FHIP1A: variants seen among roughly 807,000 people sequenced by gnomAD.
FHIP1A encodes the protein FHF complex subunit HOOK interacting protein 1A.
A neutral mutation model predicts 88.6 loss-of-function variants in FHIP1A; 61 were observed. The observed-to-expected ratio is 0.69, with a 90% CI of 0.56 to 0.85. The LOEUF is 0.85. Among genes scored for constraint, FHIP1A ranks in the 40% least tolerant of loss-of-function variants. The pLI is 0.00. For synonymous variants in FHIP1A, 478 were observed against 496.0 expected (o/e 0.96, Z 0.48); for missense variants, 1,154 against 1,273.5 (o/e 0.91, Z 1.43).
intron 7 of FHIP1A, among the ~76,000 whole-genome samples, chr4:151,599,909 T>G (rs1423117491): frequency 6.6e-6 from 1 of 152,242 alleles, no homozygotes; most frequent in Non-Finnish European, 1.5e-5. Flanking sequence ...GGACCCCTAA[T>G]GCATGGGGGC....
chr4:151,549,168 G>C (rs183403775), intron 3 of FHIP1A, among the ~76,000 whole-genome samples: 1 of 152,162 alleles, frequency 6.6e-6, no homozygotes, highest in East Asian at 1.9e-4. Flanking sequence ...TTAGGTCACA[G>C]CAGGTGACTG....
chr4:151,638,144 A>C (rs1157678219), intron 8 of FHIP1A, among the ~76,000 whole-genome samples: 1 of 152,210 alleles, frequency 6.6e-6, no homozygotes, highest in African/African-American at 2.4e-5. Flanking sequence ...CACAATGGGA[A>C]ATGGAACCAA....
intron 3 of FHIP1A, among the ~76,000 whole-genome samples, chr4:151,545,117 G>A (rs190777981): frequency 4.6e-5 from 7 of 152,112 alleles, no homozygotes; most frequent in Non-Finnish European, 8.8e-5. Context: ...CACTATTTTT[G>A]CATTTTCCAA....
chr4:151,553,237 A>G (rs1450207367), intron 3 of FHIP1A, among the ~76,000 whole-genome samples: 1 of 152,208 alleles, frequency 6.6e-6, no homozygotes, highest in East Asian at 1.9e-4. Context: ...TTATAATATC[A>G]CATGGTTTTA....
At chr4:151,471,058 A>C (rs965409460) in intron 2 of FHIP1A, among the ~76,000 whole-genome samples, 1 of 152,096 alleles carries the variant, frequency 6.6e-6, no homozygotes, top group African/African-American at 2.4e-5. Flanking sequence ...TCTGAGGGGA[A>C]TCTTAGTATC....
chr4:151,625,665 T>C (rs537356690), intron 7 of FHIP1A, among the ~76,000 whole-genome samples: 28 of 152,332 alleles, frequency 1.8e-4, no homozygotes, highest in African/African-American at 6.0e-4. Context: ...GCTTTGGTTT[T>C]ATAGAAGTAG....
chr4:151,575,697 A>G (rs1484796953), intron 4 of FHIP1A, among the ~76,000 whole-genome samples: 1 of 152,190 alleles, frequency 6.6e-6, no homozygotes, highest in Non-Finnish European at 1.5e-5. Context: ...TAGAGATTAT[A>G]CTTTCTGTGG....
rs551992194 is a variant in FHIP1A, at chr4:151,590,402, C to T, written c.978+1476C>T. 1.4e-3 allele frequency among the ~76,000 whole-genome samples: 206 copies of T among 152,222 alleles called. 2 individuals are homozygous for T. The highest frequency in any genetic ancestry group is 1.9e-3 in the Non-Finnish European group (129 of 68,010). On this transcript the variant is annotated intron_variant, in intron 7 of 13. Coordinates refer to ENST00000435205, the MANE Select transcript of FHIP1A (RefSeq NM_001109977.3). ...TTAGTGTTACAGACATTAGTGATAG[C>T]TCTTTATTCATAATTGAGGATGAAA...
At chr4:151,489,827 A>C (rs1171295015) in intron 3 of FHIP1A, among the ~76,000 whole-genome samples, 1 of 152,074 alleles carries the variant, frequency 6.6e-6, no homozygotes, top group Non-Finnish European at 1.5e-5. Context: ...ACCCAAGGAG[A>C]GTCTGAGTTC....
At chr4:151,415,838 T>G (rs1360902139) in intron 1 of FHIP1A, among the ~76,000 whole-genome samples, 1 of 152,196 alleles carries the variant, frequency 6.6e-6, no homozygotes, top group East Asian at 1.9e-4. Flanking sequence ...TTCAGGTTCT[T>G]TTTGGTTTTA....
chr4:151,596,046 T>C (rs915318955), intron 7 of FHIP1A, among the ~76,000 whole-genome samples: 2 of 152,232 alleles, frequency 1.3e-5, no homozygotes, highest in African/African-American at 4.8e-5. Flanking sequence ...ATTTGTTATG[T>C]GTGAATTTGA....
At chr4:151,615,673 T>G (rs1050190258) in intron 7 of FHIP1A, among the ~76,000 whole-genome samples, 4 of 152,302 alleles carry the variant, frequency 2.6e-5, no homozygotes, top group Non-Finnish European at 5.9e-5. Flanking sequence ...ATATTAATCC[T>G]TTAAAATGCA....
chr4:151,479,029 G>T (rs748479599), intron 2 of FHIP1A, among the ~76,000 whole-genome samples: 3 of 152,014 alleles, frequency 2.0e-5, no homozygotes, highest in Non-Finnish European at 4.4e-5. Context: ...AAAAAGAATT[G>T]TATGAAATTA....
At chr4:151,428,619 C>CT (rs1337599895) in intron 1 of FHIP1A, among the ~76,000 whole-genome samples, 1 of 152,082 alleles carries the variant, frequency 6.6e-6, no homozygotes, top group African/African-American at 2.4e-5. Context: ...CCTTTTGGGG[C>CT]TTTTTTGTTT....
intron 3 of FHIP1A, among the ~76,000 whole-genome samples, chr4:151,495,499 CA>C (rs1284878447): frequency 1.1e-4 from 14 of 126,320 alleles, no homozygotes; most frequent in Admixed American, 2.4e-4. Context: ...GAGACTGTTT[CA>C]AAAAAAAAAG....
intron 1 of FHIP1A, among the ~76,000 whole-genome samples, chr4:151,446,887 A>G (rs1728630440): frequency 6.6e-6 from 1 of 151,960 alleles, no homozygotes; most frequent in Non-Finnish European, 1.5e-5. Flanking sequence ...ACTTGAGGAG[A>G]TGGGTTGTGA....
At chr4:151,491,460 G>A (rs2126647696) in intron 3 of FHIP1A, among the ~76,000 whole-genome samples, 1 of 152,134 alleles carries the variant, frequency 6.6e-6, no homozygotes, top group South Asian at 2.1e-4. Flanking sequence ...CTACTACCAA[G>A]CAAGCACTAT....
At chr4:151,586,212 C>T (rs1734204453) in intron 5 of FHIP1A, among the ~76,000 whole-genome samples, 4 of 152,140 alleles carry the variant, frequency 2.6e-5, no homozygotes, top group Admixed American at 2.6e-4. Flanking sequence ...AGTTTCTCCT[C>T]TAGACTGGGG....
chr4:151,638,716 G>A lies in FHIP1A; in HGVS notation c.1186G>A (p.Gly396Ser). Reference sequence around the variant, plus strand: ...TCTGGCATTATTCAGAACTCTCATTGGTTTACATTGTGAAGATGTGATGTT... The same window carrying A: ...TCTGGCATTATTCAGAACTCTCATTAGTTTACATTGTGAAGATGTGATGTT... Reference protein sequence around the residue: ...VSLALFRTLIGLHCEDVMLQL... With the variant: ...VSLALFRTLISLHCEDVMLQL... The change falls in exon 9 of 14, where the codon GGT (glycine) becomes AGT (serine). Residue 396 changes from glycine (G) to serine (S), a missense_variant. Gly to Ser is a moderately conservative substitution (Grantham distance 56). Transcript: ENST00000435205. 6.5e-7 allele frequency: 1 copy of A among 1,550,072 alleles called. No homozygotes were observed. The highest frequency in any genetic ancestry group is 8.7e-7 in the Non-Finnish European group (1 of 1,146,080).
Sources: allele counts gnomAD v4.1 joint callset (sites outside exome capture counted in the v4.1 genomes callset), GRCh38; gene constraint gnomAD v4.1.1; transcripts MANE v1.5; gene names NCBI Gene and HGNC (gene_info 2026-07-23, HGNC 2026-07-21).